SPATA16: variants seen among roughly 807,000 people sequenced by gnomAD.
SPATA16 encodes the protein spermatogenesis associated 16, also known as spermatogenesis-associated protein 16.
Under a neutral mutation model 63.3 loss-of-function variants are expected in SPATA16, and 36 were observed. The ratio of observed to expected loss-of-function variants is 0.57; its 90% confidence interval spans 0.44 to 0.75. The LOEUF is 0.75. SPATA16 is among the 30% of genes least tolerant of loss of function. The pLI, the probability that SPATA16 is intolerant of heterozygous loss-of-function variation, is 0.00. For missense variants in SPATA16, 646 were observed against 679.3 expected (o/e 0.95, Z 0.54); for synonymous variants, 203 against 216.7 (o/e 0.94, Z 0.56).
intron 3 of SPATA16, among the ~76,000 whole-genome samples, chr3:173,022,444 T>C (rs1735355634): frequency 6.6e-6 from 1 of 152,182 alleles, no homozygotes; most frequent in African/African-American, 2.4e-5. Flanking sequence ...CAATTTATTA[T>C]TTTTGACTTT....
chr3:173,004,981 T>C (rs1187031679), intron 4 of SPATA16, among the ~76,000 whole-genome samples: 1 of 152,220 alleles, frequency 6.6e-6, no homozygotes, highest in Non-Finnish European at 1.5e-5. Context: ...TCCTTTTGGC[T>C]AAATATCTCT....
At chr3:172,907,742 A>AT (rs1271484039) in intron 10 of SPATA16, among the ~76,000 whole-genome samples, 2 of 151,730 alleles carry the variant, frequency 1.3e-5, no homozygotes, top group South Asian at 2.1e-4. Context: ...TGCCCAGCTA[A>AT]TTTTTTTGTA....
rs187314434 is a variant in SPATA16 at position 172,973,995 on chromosome 3, T to C, written c.933+2973A>G. 3.6e-3 allele frequency among the ~76,000 whole-genome samples: 543 copies of C among 152,292 alleles called. 6 individuals are homozygous for C. The highest frequency in any genetic ancestry group is 0.012 in the African/African-American group (509 of 41,570). The stretch of plus-strand genomic sequence containing the variant: ...TAGAATAACATGTGCAAACACTTAT[T>C]CAAAGTGATATATCCCAGTGTGAGC... On this transcript the variant is annotated intron_variant, in intron 5 of 10. Coordinates refer to ENST00000351008, the MANE Select transcript of SPATA16 (RefSeq NM_031955.6).
chr3:172,899,181 G>A (rs1050787222), intron 10 of SPATA16, among the ~76,000 whole-genome samples: 1 of 151,930 alleles, frequency 6.6e-6, no homozygotes, highest in African/African-American at 2.4e-5. Context: ...GCATATTCTT[G>A]TTGATTTTCT....
chr3:173,088,559 A>C (rs1737145666), intron 2 of SPATA16, among the ~76,000 whole-genome samples: 1 of 152,174 alleles, frequency 6.6e-6, no homozygotes, highest in Non-Finnish European at 1.5e-5. Flanking sequence ...TTGTATATAC[A>C]TAAATGTATT....
At chr3:172,918,139 A>T (rs760501240) in intron 8 of SPATA16, among the ~76,000 whole-genome samples, 14 of 152,238 alleles carry the variant, frequency 9.2e-5, no homozygotes, top group Non-Finnish European at 1.9e-4. Context: ...ATCAGTTTAA[A>T]CATGTAGCTA....
intron 10 of SPATA16, among the ~76,000 whole-genome samples, chr3:172,896,512 T>C (rs1020526857): frequency 1.3e-5 from 2 of 152,234 alleles, no homozygotes; most frequent in African/African-American, 4.8e-5. Context: ...TGAGCCACCG[T>C]GCCCGAAACT....
chr3:172,894,106 C>G (rs539957139), intron 10 of SPATA16, among the ~76,000 whole-genome samples: 11 of 152,166 alleles, frequency 7.2e-5, no homozygotes, highest in African/African-American at 2.4e-4. Flanking sequence ...AAAATCCTCT[C>G]GGTAAAACAG....
At position 172,989,457 on chromosome 3, in the gene SPATA16, C is replaced by G. The variant is rs1734528415; in HGVS notation, c.849-12405G>C. Reference sequence around the variant, plus strand: ...AATAAATTATTTTTCATCAGAGTAACAGAGAGACAATATGGCACAGAGGTT... The same window carrying G: ...AATAAATTATTTTTCATCAGAGTAAGAGAGAGACAATATGGCACAGAGGTT... On this transcript the variant is annotated intron_variant, in intron 4 of 10. Transcript: ENST00000351008. Among the ~76,000 whole-genome samples, 3 of 152,134 alleles carry G rather than the reference C, an allele frequency of 2.0e-5. No homozygotes were observed. In the South Asian group the frequency reaches 6.2e-4, roughly 32 times the overall value.
chr3:173,131,473 C>T (rs1234644017), intron 1 of SPATA16, among the ~76,000 whole-genome samples: 1 of 151,530 alleles, frequency 6.6e-6, no homozygotes, highest in African/African-American at 2.4e-5. Context: ...GTGTGAGCAT[C>T]TCAACATTTC....
rs955666198 is a variant in SPATA16, at chr3:173,049,216, G to A, written c.613-122C>T. The A allele has an allele frequency of 3.8e-6, 4 of 1,049,254 alleles. No individual in the cohort carries two copies. In the Admixed American group the frequency reaches 7.9e-5, roughly 21 times the overall value. 65.0% of individuals were successfully genotyped at this position (1,049,254 alleles called of 1,614,324 possible). A position where few individuals can be genotyped will look rare whatever the true frequency, so the allele number is the denominator to read the frequency against. On this transcript the variant is annotated intron_variant, in intron 2 of 10. Coordinates refer to ENST00000351008, the MANE Select transcript of SPATA16 (RefSeq NM_031955.6). Reference sequence around the variant, plus strand: ...TTGCTTATGCTTGCTTATATGTTTTGCGTATATGTTAAAAGTATATATGAT... The same window carrying A: ...TTGCTTATGCTTGCTTATATGTTTTACGTATATGTTAAAAGTATATATGAT...
intron 3 of SPATA16, among the ~76,000 whole-genome samples, chr3:173,027,701 T>C (rs1377039183): frequency 6.6e-6 from 1 of 151,822 alleles, no homozygotes; most frequent in Admixed American, 6.6e-5. Flanking sequence ...AGAACTCCTC[T>C]TGGTATCTTC....
chr3:173,083,767 G>A (rs369309113), intron 2 of SPATA16, among the ~76,000 whole-genome samples: 1 of 152,102 alleles, frequency 6.6e-6, no homozygotes, highest in South Asian at 2.1e-4. Flanking sequence ...GTATTAGTTT[G>A]CTGAGAATAA....
chr3:173,129,300 T>C (rs374059068), intron 1 of SPATA16, among the ~76,000 whole-genome samples: 2 of 152,354 alleles, frequency 1.3e-5, no homozygotes, highest in South Asian at 2.1e-4. Context: ...TGGAGAGATA[T>C]GAGTTCAAAT....
chr3:173,105,596 T>G (rs1412429499), intron 2 of SPATA16, among the ~76,000 whole-genome samples: 1 of 152,206 alleles, frequency 6.6e-6, no homozygotes, highest in Non-Finnish European at 1.5e-5. Flanking sequence ...CAGGTACTGA[T>G]GACCCTTCAA....
At chr3:172,927,786 G>A (rs987900620) in intron 6 of SPATA16, among the ~76,000 whole-genome samples, 2 of 152,272 alleles carry the variant, frequency 1.3e-5, no homozygotes, top group African/African-American at 4.8e-5. Context: ...ACATGCCATA[G>A]GAATGCCAGT....
At chr3:173,041,621 CA>C (rs1735842464) in intron 3 of SPATA16, among the ~76,000 whole-genome samples, 1 of 151,976 alleles carries the variant, frequency 6.6e-6, no homozygotes, top group Non-Finnish European at 1.5e-5. Context: ...TTGTTCATAT[CA>C]AAAAACTGGC....
intron 2 of SPATA16, among the ~76,000 whole-genome samples, chr3:173,108,718 G>C (rs772168179): frequency 1.3e-5 from 2 of 152,150 alleles, no homozygotes; most frequent in Middle Eastern, 3.2e-3. Context: ...TAATGGAGCA[G>C]CCCTATACAG....
In SPATA16 at chr3:173,087,109, A is replaced by G. The variant is rs187545980; in HGVS notation, c.612+30011T>C. Among the ~76,000 whole-genome samples, 10 of 152,106 alleles carry G rather than the reference A, an allele frequency of 6.6e-5. No individual in the cohort carries two copies. The East Asian group carries it at 1.7e-3, about 26-fold the overall frequency. On this transcript the variant is annotated intron_variant, in intron 2 of 10. Coordinates refer to ENST00000351008, the MANE Select transcript of SPATA16 (RefSeq NM_031955.6). ...GTTAATTTTCTGTCTTGATGATCTA[A>G]TATTGACAGTGGGGTGTTGAAGTCT...
Sources: allele counts gnomAD v4.1 joint callset (sites outside exome capture counted in the v4.1 genomes callset), GRCh38; gene constraint gnomAD v4.1.1; transcripts MANE v1.5; gene names NCBI Gene and HGNC (gene_info 2026-07-23, HGNC 2026-07-21).